Variants in ZNF727 observed in about 807,000 individuals in gnomAD.
ZNF727 encodes the protein putative zinc finger protein 727.
A neutral mutation model predicts 11.5 loss-of-function variants in ZNF727; 11 were observed. The ratio of observed to expected loss-of-function variants is 0.95; its 90% CI spans 0.60 to 1.58. The LOEUF (loss-of-function observed/expected upper bound fraction) is 1.58, where lower values mean the gene tolerates loss of function less well. ZNF727 is among the 40% of genes most tolerant of loss of function. ZNF727 has a pLI of 0.00. For synonymous variants in ZNF727, 171 were observed against 196.1 expected (o/e 0.87, Z 1.07); for missense variants, 533 against 581.7 (o/e 0.92, Z 0.86).
intron 3 of ZNF727, among the ~76,000 whole-genome samples, chr7:64,077,039 T>C (rs1256270308): frequency 6.6e-6 from 1 of 152,216 alleles, no homozygotes; most frequent in East Asian, 1.9e-4. Flanking sequence ...CACTTCTATG[T>C]GGTTCTTGGC....
chr7:64,053,721 G>T (rs753046065), intron 1 of ZNF727, among the ~76,000 whole-genome samples: 3 of 151,800 alleles, frequency 2.0e-5, no homozygotes, highest in Non-Finnish European at 4.4e-5. Context: ...CTTGCATTCC[G>T]CCATAATTGT....
At chr7:64,047,995 TGATCAA>T (rs1334559843) in intron 1 of ZNF727, among the ~76,000 whole-genome samples, 1 of 152,190 alleles carries the variant, frequency 6.6e-6, no homozygotes, top group Non-Finnish European at 1.5e-5. Flanking sequence ...GGGAGAGTGA[TGATCAA>T]GTACTTTAGT....
intron 3 of ZNF727, among the ~76,000 whole-genome samples, chr7:64,073,212 A>C (rs910167975): frequency 6.6e-6 from 1 of 151,276 alleles, no homozygotes; most frequent in African/African-American, 2.4e-5. Flanking sequence ...TTTCCCCTGC[A>C]TTCTTCTTCA....
At chr7:64,054,547 C>G (rs774474675) in intron 1 of ZNF727, among the ~76,000 whole-genome samples, 5 of 152,178 alleles carry the variant, frequency 3.3e-5, no homozygotes, top group African/African-American at 4.8e-5. Context: ...AATAAGGTCA[C>G]AGGGAATAAC....
At chr7:64,062,060 C>G (rs1180755335) in intron 1 of ZNF727, among the ~76,000 whole-genome samples, 1 of 151,976 alleles carries the variant, frequency 6.6e-6, no homozygotes, top group African/African-American at 2.4e-5. Flanking sequence ...ATTATGCTGT[C>G]TATGTCTTAA....
intron 1 of ZNF727, among the ~76,000 whole-genome samples, chr7:64,062,526 A>G (rs926648658): frequency 1.3e-5 from 2 of 151,676 alleles, no homozygotes; most frequent in Admixed American, 6.6e-5. Context: ...TGAAGAGTCC[A>G]TGGTCAAACA....
intron 1 of ZNF727, among the ~76,000 whole-genome samples, chr7:64,065,196 C>T (rs73358252): frequency 6.4e-4 from 97 of 152,188 alleles, no homozygotes; most frequent in African/African-American, 2.0e-3. Context: ...GGGTCAACCA[C>T]GAGTGCTTTC....
At chr7:64,073,751 G>T (rs1789999576) in intron 3 of ZNF727, among the ~76,000 whole-genome samples, 1 of 152,054 alleles carries the variant, frequency 6.6e-6, no homozygotes, top group Non-Finnish European at 1.5e-5. Flanking sequence ...TTGGATTTTT[G>T]TGTGTAATTT....
chr7:64,047,198 G>A (rs1363506433), intron 1 of ZNF727, among the ~76,000 whole-genome samples: 1 of 152,110 alleles, frequency 6.6e-6, no homozygotes, highest in African/African-American at 2.4e-5. Context: ...AACTGTTATA[G>A]GGACTGTAGA....
intron 3 of ZNF727, among the ~76,000 whole-genome samples, chr7:64,076,955 A>G (rs1357892147): frequency 2.0e-5 from 3 of 152,176 alleles, no homozygotes; most frequent in Non-Finnish European, 2.9e-5. Flanking sequence ...GAAGACAGGA[A>G]TTGGGAGTCT....
intron 3 of ZNF727, among the ~76,000 whole-genome samples, chr7:64,074,387 A>G (rs867773005): frequency 2.6e-5 from 4 of 152,148 alleles, no homozygotes; most frequent in Non-Finnish European, 4.4e-5. Context: ...AGACAAACTC[A>G]TATTTTTGCT....
intron 1 of ZNF727, among the ~76,000 whole-genome samples, chr7:64,052,131 G>C (rs1302636609): frequency 6.6e-6 from 1 of 152,186 alleles, no homozygotes; most frequent in Non-Finnish European, 1.5e-5. Flanking sequence ...CCAGGTCTAA[G>C]TGTGCTGTGT....
intron 3 of ZNF727, among the ~76,000 whole-genome samples, chr7:64,072,874 G>A (rs1375286906): frequency 6.6e-6 from 1 of 151,814 alleles, no homozygotes; most frequent in Non-Finnish European, 1.5e-5. Context: ...TATGATAAAA[G>A]TCTCTTCTTT....
At chr7:64,074,755 G>A (rs1378984315) in intron 3 of ZNF727, among the ~76,000 whole-genome samples, 10 of 152,114 alleles carry the variant, frequency 6.6e-5, no homozygotes, top group Admixed American at 6.6e-4. Flanking sequence ...AAATTTAAAT[G>A]CTGTATGAGA....
At chr7:64,070,814 T>C (rs1330390761) in intron 3 of ZNF727, among the ~76,000 whole-genome samples, 5 of 151,972 alleles carry the variant, frequency 3.3e-5, no homozygotes, top group Non-Finnish European at 4.4e-5. Flanking sequence ...ACCTCTATAC[T>C]CTCTTCTTCT....
intron 1 of ZNF727, among the ~76,000 whole-genome samples, chr7:64,053,659 AT>A (rs1180793221): frequency 6.6e-6 from 1 of 150,520 alleles, no homozygotes; most frequent in Admixed American, 6.6e-5. Flanking sequence ...CCCTCCACAC[AT>A]TTTTTTTTGT....
At chr7:64,058,861 A>G (rs374836490) in intron 1 of ZNF727, among the ~76,000 whole-genome samples, 4 of 152,166 alleles carry the variant, frequency 2.6e-5, no homozygotes, top group African/African-American at 9.6e-5. Flanking sequence ...GGTGTTGTAA[A>G]CGGCTGAAGT....
intron 3 of ZNF727, among the ~76,000 whole-genome samples, chr7:64,073,496 A>G (rs1000097312): frequency 6.6e-6 from 1 of 151,692 alleles, no homozygotes; most frequent in Non-Finnish European, 1.5e-5. Flanking sequence ...ACTTAGTATC[A>G]TTATTTTGAC....
intron 1 of ZNF727, among the ~76,000 whole-genome samples, chr7:64,050,812 G>A (rs926117759): frequency 4.7e-5 from 7 of 148,078 alleles, no homozygotes; most frequent in African/African-American, 1.5e-4. Flanking sequence ...GTGTGTGTGT[G>A]TATGTATGTA....
Sources: allele counts gnomAD v4.1 joint callset (sites outside exome capture counted in the v4.1 genomes callset), GRCh38; gene constraint gnomAD v4.1.1; transcripts MANE v1.5; gene names NCBI Gene and HGNC (gene_info 2026-07-23, HGNC 2026-07-21).